CEP83: variants seen among roughly 807,000 people sequenced by gnomAD.
CEP83 encodes centrosomal protein of 83 kDa.
A neutral mutation model predicts 101.9 loss-of-function variants in CEP83; 70 were observed. That is an observed-to-expected ratio of 0.69 (90% CI 0.57 to 0.84). The LOEUF (loss-of-function observed/expected upper bound fraction) is 0.84. Ranked by LOEUF, CEP83 falls within the 40% of genes least tolerant of loss-of-function variation. CEP83 has a pLI of 0.00. For missense variants in CEP83, 715 were observed against 787.2 expected (o/e 0.91, Z 1.10); for synonymous variants, 264 against 267.9 (o/e 0.99, Z 0.14).
At chr12:94,459,394 C>T (rs911566654) in intron 1 of CEP83, among the ~76,000 whole-genome samples, 163 bp downstream of exon 1, 3 of 152,216 alleles carry the variant, frequency 2.0e-5, no homozygotes, top group Non-Finnish European at 4.4e-5. Context: ...CCAAAAGCTC[C>T]ATGAAGAGTT....
intron 5 of CEP83, among the ~76,000 whole-genome samples, chr12:94,401,572 AAT>A (rs1378146931): frequency 1.3e-5 from 2 of 152,148 alleles, no homozygotes; most frequent in African/African-American, 4.8e-5. Flanking sequence ...TGGCATTCTG[AAT>A]ACCCAACAAG....
At chr12:94,439,959 G>A (rs562641031) in intron 1 of CEP83, among the ~76,000 whole-genome samples, 3 of 152,214 alleles carry the variant, frequency 2.0e-5, no homozygotes, top group East Asian at 3.9e-4. Flanking sequence ...CTCAACAGAC[G>A]CAGAAAAAGC....
the CEP83 span, among the ~76,000 whole-genome samples, chr12:94,279,039 C>T: frequency 5.3e-5 from 8 of 152,024 alleles, no homozygotes; most frequent in Middle Eastern, 3.4e-3. Context: ...ATGGGGACCT[C>T]GTAACCTTCC....
At chr12:94,322,288 C>T (rs1297249980) in intron 14 of CEP83, among the ~76,000 whole-genome samples, 1 of 152,210 alleles carries the variant, frequency 6.6e-6, no homozygotes, top group Non-Finnish European at 1.5e-5. Flanking sequence ...GGTGGTCCAC[C>T]CCTCTCTTTG....
In CEP83 at chr12:94,308,174, G is replaced by C. The variant is rs1202874502; in HGVS notation, c.*639C>G. The C allele has an allele frequency of 6.6e-6, 1 of 152,118 alleles. No individual in the cohort carries two copies. Among genetic ancestry groups the C allele is most frequent in the African/African-American group, 2.4e-5 (1 of 41,430 alleles). 9.4% of individuals were successfully genotyped at this position (152,118 alleles called of 1,614,324 possible). ...TGGCCCCCTTGTTAATACAGCCATA[G>C]GATTTAATTATTTGCACTTATTCTC... is the stretch of plus-strand genomic sequence containing the variant. On this transcript the variant is annotated 3_prime_UTR_variant, in exon 17 of 17. Coordinates refer to ENST00000397809, the MANE Select transcript of CEP83 (RefSeq NM_016122.3).
intron 14 of CEP83, among the ~76,000 whole-genome samples, chr12:94,327,944 T>C (rs1015262586): frequency 6.6e-6 from 1 of 152,212 alleles, no homozygotes; most frequent in Admixed American, 6.5e-5. Flanking sequence ...CATGTTATCT[T>C]ATTTCTCCAG....
At chr12:94,376,150 C>G in intron 7 of CEP83, 133 bp from the exon 8 acceptor site, 1 of 492,980 alleles carries the variant, frequency 2.0e-6, no homozygotes, top group Non-Finnish European at 3.2e-6. Context: ...ACCAATGTAA[C>G]AAAAATTTTC....
At chr12:94,284,132 G>A in the CEP83 span, among the ~76,000 whole-genome samples, 1 of 148,760 alleles carries the variant, frequency 6.7e-6, no homozygotes, top group Non-Finnish European at 1.5e-5. Context: ...AATATCTCAA[G>A]CACTGGTCTT....
At position 94,376,028 on chromosome 12, in the gene CEP83, A is replaced by G. The variant is rs1226343823; in HGVS notation, c.802-11T>C. Reference sequence around the variant, plus strand: ...TGATTGTTTTTCAGCCTTTCATACAAACAAAATAGTTTAAAATTCATCATT... The same window carrying G: ...TGATTGTTTTTCAGCCTTTCATACAGACAAAATAGTTTAAAATTCATCATT... On this transcript the variant is annotated splice_polypyrimidine_tract_variant and intron_variant, in intron 7 of 16. Coordinates refer to ENST00000397809, the MANE Select transcript of CEP83 (RefSeq NM_016122.3). 3.3e-6 allele frequency: 5 copies of G among 1,500,556 alleles called. No individual in the cohort carries two copies. Among genetic ancestry groups the G allele is most frequent in the Non-Finnish European group, 4.5e-6 (5 of 1,117,054 alleles). 93.0% of individuals were successfully genotyped at this position (1,500,556 alleles called of 1,614,324 possible). A position where few individuals can be genotyped will look rare whatever the true frequency, so the allele number is the denominator to read the frequency against.
the CEP83 span, among the ~76,000 whole-genome samples, chr12:94,297,654 A>G: frequency 1.3e-5 from 2 of 152,310 alleles, no homozygotes; most frequent in South Asian, 4.1e-4. Flanking sequence ...CAGGGATTTA[A>G]TATTGTTCCC....
intron 14 of CEP83, among the ~76,000 whole-genome samples, chr12:94,324,299 T>G (rs2058873531): frequency 6.6e-6 from 1 of 152,228 alleles, no homozygotes; most frequent in South Asian, 2.1e-4. Context: ...AGATTTCATT[T>G]CATTAATAGA....
At chr12:94,275,483 G>A in the CEP83 span, among the ~76,000 whole-genome samples, 59 of 152,288 alleles carry the variant, frequency 3.9e-4, 1 homozygote, top group South Asian at 0.011. Flanking sequence ...GCAGAGGCCC[G>A]CGTGCACTTT....
At chr12:94,287,235 A>C in the CEP83 span, among the ~76,000 whole-genome samples, 3 of 152,100 alleles carry the variant, frequency 2.0e-5, no homozygotes, top group East Asian at 3.9e-4. Flanking sequence ...AAGCCAGAGG[A>C]GTCTTTCTCC....
At chr12:94,392,789 G>C (rs1009545196) in intron 6 of CEP83, among the ~76,000 whole-genome samples, 1 of 152,058 alleles carries the variant, frequency 6.6e-6, no homozygotes, top group African/African-American at 2.4e-5. Flanking sequence ...AATGATAAAG[G>C]GGATATCGCC....
intron 6 of CEP83, among the ~76,000 whole-genome samples, chr12:94,388,769 A>G (rs1245778538): frequency 1.3e-5 from 2 of 152,156 alleles, no homozygotes; most frequent in Non-Finnish European, 2.9e-5. Flanking sequence ...TCTGTGTGTT[A>G]TTATTAATGG....
At position 94,449,603 on chromosome 12, in the gene CEP83, G is replaced by GA. The variant is rs559626964; in HGVS notation, c.-155+9953dup. Reference sequence around the variant, plus strand: ...AAACCCTGTCTCTACAAAAAATACCGAAAAAAAAAAAAAAAGAAAAATAGC... The same window carrying GA: ...AAACCCTGTCTCTACAAAAAATACCGAAAAAAAAAAAAAAAAGAAAAATAGC... On this transcript the variant is annotated intron_variant, in intron 1 of 16. Coordinates refer to ENST00000397809, the MANE Select transcript of CEP83 (RefSeq NM_016122.3). Among the ~76,000 whole-genome samples, 346 of 113,962 alleles carry GA rather than the reference G, an allele frequency of 3.0e-3. 3 individuals are homozygous for GA. The East Asian group carries it at 0.031, about 10-fold the overall frequency. 74.8% of individuals were successfully genotyped at this position (113,962 alleles called of 152,430 possible). A position where few individuals can be genotyped will look rare whatever the true frequency, so the allele number is the denominator to read the frequency against.
intron 11 of CEP83, among the ~76,000 whole-genome samples, chr12:94,361,013 C>T (rs968668708): frequency 2.6e-5 from 4 of 152,072 alleles, no homozygotes; most frequent in African/African-American, 9.7e-5. Context: ...GAAAGGACAG[C>T]CTCTTCAATA....
chr12:94,370,202 G>A (rs1278467613), intron 8 of CEP83, among the ~76,000 whole-genome samples, 166 bp from the exon 9 acceptor site: 1 of 152,204 alleles, frequency 6.6e-6, no homozygotes, highest in African/African-American at 2.4e-5. Flanking sequence ...TTCAAGTAAG[G>A]AGACATTAAG....
At chr12:94,405,095 T>C (rs1279435245) in intron 4 of CEP83, among the ~76,000 whole-genome samples, 1 of 152,224 alleles carries the variant, frequency 6.6e-6, no homozygotes, top group Non-Finnish European at 1.5e-5. Flanking sequence ...GTTTACGGTA[T>C]CAAGTATCAA....
Sources: gnomAD v4.1 joint callset for allele counts (sites outside exome capture counted in the v4.1 genomes callset) on GRCh38, gnomAD v4.1.1 for gene constraint, MANE v1.5 for transcripts, NCBI Gene and HGNC (gene_info 2026-07-23, HGNC 2026-07-21) for gene names.